The following SEPTIN7 variants were observed in gnomAD, a reference collection of about 807,000 sequenced individuals.
SEPTIN7 encodes the protein septin-7.
A neutral mutation model predicts 63.3 loss-of-function variants in SEPTIN7; 10 were observed. That is an observed-to-expected ratio of 0.16 (90% CI 0.10 to 0.27). SEPTIN7 has a LOEUF of 0.27. SEPTIN7 is among the 10% of genes least tolerant of loss of function. The pLI is 1.00. For missense variants in SEPTIN7, 310 were observed against 521.0 expected (o/e 0.59, Z 3.94); for synonymous variants, 131 against 165.3 (o/e 0.79, Z 1.59).
intron 1 of SEPTIN7, chr7:35,812,000 G>A: frequency 5.2e-6 from 1 of 190,800 alleles, no homozygotes; most frequent in South Asian, 6.0e-5. Context: ...GGTGGTTGGT[G>A]CCTGTAATCC....
intron 3 of SEPTIN7, among the ~76,000 whole-genome samples, chr7:35,838,292 CCTTCCTTCCT>C (rs1784195018): frequency 7.3e-5 from 1 of 13,706 alleles, no homozygotes; most frequent in Non-Finnish European, 1.3e-4. Flanking sequence ...TTCCTTCCTT[CCTTCCTTCCT>C]TCCCTCCCTC....
At chr7:35,880,223 C>CTTT in intron 7 of SEPTIN7, among the ~76,000 whole-genome samples, 14 of 72,786 alleles carry the variant, frequency 1.9e-4, no homozygotes, top group African/African-American at 7.8e-4. Context: ...TTTTTCTTTT[C>CTTT]TTTTTTTTTT....
At chr7:35,901,665 T>A (rs980570214) in intron 12 of SEPTIN7, 1 of 152,194 alleles carries the variant, frequency 6.6e-6, no homozygotes, top group Non-Finnish European at 1.5e-5. Context: ...TGATGAACAC[T>A]GTAAGCCTAC....
chr7:35,863,151 C>T (rs1450518556), intron 3 of SEPTIN7, among the ~76,000 whole-genome samples: 1 of 152,038 alleles, frequency 6.6e-6, no homozygotes, highest in African/African-American at 2.4e-5. Context: ...TTTATAGTTG[C>T]ATGATTTCTT....
Position 35,866,283 on chromosome 7 carries a change from G to A in SEPTIN7, c.276+2625G>A, listed in dbSNP as rs568249783. Among the ~76,000 whole-genome samples the A allele has an allele frequency of 3.9e-5, 6 of 152,334 alleles. No homozygotes were observed. In the East Asian group the frequency reaches 1.2e-3, roughly 29 times the overall value. ...GAGTCATTCAAGAAGCCTGAATGTA[G>A]TTAGAAAATGAGAATGTAATCTTTT... On this transcript the variant is annotated intron_variant, in intron 4 of 13. Transcript: ENST00000350320.
At chr7:35,880,036 A>T in intron 7 of SEPTIN7, 96 bp downstream of exon 7, 1 of 694,956 alleles carries the variant, frequency 1.4e-6, no homozygotes, top group Non-Finnish European at 2.6e-6. Context: ...CATTCCTCTT[A>T]CTGCTTTACT....
At chr7:35,881,795 G>A (rs962685459) in intron 7 of SEPTIN7, among the ~76,000 whole-genome samples, 4 of 151,930 alleles carry the variant, frequency 2.6e-5, no homozygotes, top group African/African-American at 4.8e-5. Flanking sequence ...TAGAATTGGA[G>A]TGATTTTGAA....
At chr7:35,816,710 C>G (rs1042559555) in intron 1 of SEPTIN7, among the ~76,000 whole-genome samples, 1 of 152,154 alleles carries the variant, frequency 6.6e-6, no homozygotes, top group African/African-American at 2.4e-5. Context: ...TATGAGAGTT[C>G]CAGTTTTTCC....
chr7:35,827,616 G>A (rs1783586334), intron 1 of SEPTIN7, among the ~76,000 whole-genome samples: 1 of 152,014 alleles, frequency 6.6e-6, no homozygotes, highest in African/African-American at 2.4e-5. Context: ...TCAGCCTCCA[G>A]AGTAGCTGGG....
chr7:35,882,606 T>C, intron 8 of SEPTIN7, 30 bp downstream of exon 8: 1 of 1,325,798 alleles, frequency 7.5e-7, no homozygotes, highest in Non-Finnish European at 9.7e-7. Flanking sequence ...CACGCTAAAG[T>C]AATCTGAGGC....
At chr7:35,911,578 G>A (rs181358339), downstream of SEPTIN7, among the ~76,000 whole-genome samples, 13 of 152,208 alleles carry the variant, frequency 8.5e-5, no homozygotes, top group Non-Finnish European at 1.5e-4. Flanking sequence ...CTCTCAGTCC[G>A]TGTGCCACGG....
chr7:35,815,428 T>C (rs1262057295), intron 1 of SEPTIN7, among the ~76,000 whole-genome samples: 1 of 152,258 alleles, frequency 6.6e-6, no homozygotes, highest in Non-Finnish European at 1.5e-5. Context: ...TTTATACTGG[T>C]ACATCGATTC....
chr7:35,825,497 C>T (rs1783458102), intron 1 of SEPTIN7, among the ~76,000 whole-genome samples: 1 of 152,124 alleles, frequency 6.6e-6, no homozygotes, highest in African/African-American at 2.4e-5. Flanking sequence ...CCTTCAGTAT[C>T]TAAAGGATCT....
chr7:35,810,764 TTAA>T (rs1788651164), intron 1 of SEPTIN7, among the ~76,000 whole-genome samples: 1 of 151,838 alleles, frequency 6.6e-6, no homozygotes, highest in Admixed American at 6.6e-5. Context: ...TTGTAATGAG[TTAA>T]TGAGTTTTTT....
chr7:35,856,831 T>A (rs1328222940), intron 3 of SEPTIN7, among the ~76,000 whole-genome samples: 1 of 152,180 alleles, frequency 6.6e-6, no homozygotes, highest in East Asian at 1.9e-4. Flanking sequence ...ATCTTCCAAT[T>A]TATAAGGAAA....
chr7:35,812,931 C>T (rs1182229074), intron 1 of SEPTIN7, among the ~76,000 whole-genome samples: 2 of 152,096 alleles, frequency 1.3e-5, no homozygotes, highest in African/African-American at 4.8e-5. Flanking sequence ...GACTGGGGCA[C>T]AGATTTCTAT....
At chr7:35,833,613 A>G (rs777024825) in intron 3 of SEPTIN7, among the ~76,000 whole-genome samples, 1 of 152,022 alleles carries the variant, frequency 6.6e-6, no homozygotes, top group African/African-American at 2.4e-5. Flanking sequence ...TTCACCTCAT[A>G]TAGGCTGACT....
intron 1 of SEPTIN7, among the ~76,000 whole-genome samples, chr7:35,805,864 GTTGTT>G (rs1331157979): frequency 6.6e-6 from 1 of 152,168 alleles, no homozygotes; most frequent in Non-Finnish European, 1.5e-5. Context: ...TCTTAATTCT[GTTGTT>G]TTGTTTAACT....
At chr7:35,867,392 C>A (rs1785871345) in intron 4 of SEPTIN7, among the ~76,000 whole-genome samples, 1 of 152,108 alleles carries the variant, frequency 6.6e-6, no homozygotes, top group African/African-American at 2.4e-5. Flanking sequence ...GCTCTTTCAC[C>A]CAGCTGGAGT....
Sources: gnomAD v4.1 joint callset for allele counts (sites outside exome capture counted in the v4.1 genomes callset) on GRCh38, gnomAD v4.1.1 for gene constraint, MANE v1.5 for transcripts, NCBI Gene and HGNC (gene_info 2026-07-23, HGNC 2026-07-21) for gene names.